GPR21: variants seen among roughly 807,000 people sequenced by gnomAD.
GPR21 encodes probable G protein-coupled receptor 21.
A neutral mutation model predicts 21.5 loss-of-function variants in GPR21; 9 were observed. The ratio of observed to expected loss-of-function variants is 0.42; its 90% CI spans 0.25 to 0.73. GPR21 has a LOEUF of 0.73. Ranked by LOEUF, GPR21 falls within the 30% of genes least tolerant of loss-of-function variation. The pLI, the probability that GPR21 is intolerant of heterozygous loss-of-function variation, is 0.27. For missense variants in GPR21, 416 were observed against 428.9 expected (o/e 0.97, Z 0.27); for synonymous variants, 169 against 159.3 (o/e 1.06, Z -0.46).
chr9:123,047,915 C>A, the GPR21 span, among the ~76,000 whole-genome samples: 2 of 100,864 alleles, frequency 2.0e-5, no homozygotes, highest in Admixed American at 1.1e-4. Flanking sequence ...TTTACAGCTG[C>A]TGGGTTTTTT....
the GPR21 span, among the ~76,000 whole-genome samples, chr9:123,044,090 A>T: frequency 6.6e-6 from 1 of 151,634 alleles, no homozygotes. Context: ...TTTTTAGTAG[A>T]GACGGGGTTT....
the GPR21 span, among the ~76,000 whole-genome samples, chr9:123,043,654 T>G: frequency 1.4e-5 from 2 of 141,338 alleles, no homozygotes; most frequent in African/African-American, 2.7e-5. Context: ...GGAAGGAGGG[T>G]GGGTGTAACA....
chr9:123,034,358 G>A lies in GPR21; in HGVS notation c.-209G>A, dbSNP rs1267280017. ...GTCTGGGACTGGCCAGACAACTGCTGCTGGCTCTCCTTATTCCAGGAAGGA... is the reference window on the plus strand; with the variant it reads ...GTCTGGGACTGGCCAGACAACTGCTACTGGCTCTCCTTATTCCAGGAAGGA... On this transcript the variant is annotated 5_prime_UTR_variant, in exon 2 of 2. Coordinates refer to ENST00000616002, the MANE Select transcript of GPR21 (RefSeq NM_005294.3). 3.5e-6 allele frequency: 2 copies of A among 570,888 alleles called. No homozygotes were observed. Among genetic ancestry groups the A allele is most frequent in the Non-Finnish European group, 6.1e-6 (2 of 326,264 alleles). 35.4% of individuals were successfully genotyped at this position (570,888 alleles called of 1,614,324 possible). A position where few individuals can be genotyped will look rare whatever the true frequency, so the allele number is the denominator to read the frequency against.
At chr9:123,036,201 A>G (rs528434474), downstream of GPR21, among the ~76,000 whole-genome samples, 63 of 152,364 alleles carry the variant, frequency 4.1e-4, no homozygotes, top group South Asian at 8.3e-4. Context: ...AGTAGGGTGA[A>G]TAATGTGAAC....
At chr9:123,040,497 T>C (rs968998840), downstream of GPR21, among the ~76,000 whole-genome samples, 1 of 152,170 alleles carries the variant, frequency 6.6e-6, no homozygotes, top group African/African-American at 2.4e-5. Flanking sequence ...TACCTTCTCA[T>C]TGACATATTA....
the GPR21 span, among the ~76,000 whole-genome samples, chr9:123,046,933 GA>G: frequency 6.6e-6 from 1 of 152,170 alleles, no homozygotes; most frequent in African/African-American, 2.4e-5. Context: ...CACAAACAGG[GA>G]AAGAGAGACC....
At chr9:123,033,810 A>G (rs1216120631) in intron 1 of GPR21, 68 bp downstream of exon 1, 1 of 152,240 alleles carries the variant, frequency 6.6e-6, no homozygotes, top group Non-Finnish European at 1.5e-5. Context: ...AAAATATTAT[A>G]TTGGAATCAA....
downstream of GPR21, among the ~76,000 whole-genome samples, chr9:123,038,394 C>T (rs1346545358): frequency 1.3e-5 from 2 of 152,042 alleles, no homozygotes; most frequent in African/African-American, 4.8e-5. Flanking sequence ...AAATGCATTG[C>T]CCACCTCCTT....
At chr9:123,037,749 A>C (rs549203133), downstream of GPR21, among the ~76,000 whole-genome samples, 1 of 152,184 alleles carries the variant, frequency 6.6e-6, no homozygotes, top group African/African-American at 2.4e-5. Context: ...GTTGGGAGAG[A>C]GGAGATGCTC....
the GPR21 span, among the ~76,000 whole-genome samples, chr9:123,048,545 C>T: frequency 7.2e-5 from 11 of 152,248 alleles, no homozygotes; most frequent in South Asian, 2.3e-3. Context: ...TCAAACAATA[C>T]AGTACGTATT....
In GPR21 at chr9:123,034,381, G is replaced by C; in HGVS notation, c.-186G>C. The C allele has an allele frequency of 3.4e-6, 2 of 582,222 alleles. No individual in the cohort carries two copies. The highest frequency in any genetic ancestry group is 6.0e-6 in the Non-Finnish European group (2 of 331,792). The allele number at this position is 582,222 out of a possible 1,614,324, so 36.1% of individuals were successfully genotyped here. A position where few individuals can be genotyped will look rare whatever the true frequency, so the allele number is the denominator to read the frequency against. ...CTGCTGGCTCTCCTTATTCCAGGAAGGATTTAAAGGGGAATTGCACTGCAG... is the reference window on the plus strand; with the variant it reads ...CTGCTGGCTCTCCTTATTCCAGGAACGATTTAAAGGGGAATTGCACTGCAG... On this transcript the variant is annotated 5_prime_UTR_variant, in exon 2 of 2. Transcript: ENST00000616002.
chr9:123,047,506 G>A, the GPR21 span, among the ~76,000 whole-genome samples: 1 of 152,060 alleles, frequency 6.6e-6, no homozygotes, highest in South Asian at 2.1e-4. Context: ...TTTCCTATGT[G>A]CTGATAAGTT....
downstream of GPR21, among the ~76,000 whole-genome samples, chr9:123,040,171 A>G (rs1381274609): frequency 6.6e-6 from 1 of 152,202 alleles, no homozygotes; most frequent in African/African-American, 2.4e-5. Context: ...TCTGTCTTCC[A>G]GGAAGCCTCA....
downstream of GPR21, among the ~76,000 whole-genome samples, chr9:123,036,319 G>C (rs1346938495): frequency 1.3e-5 from 2 of 152,196 alleles, no homozygotes; most frequent in East Asian, 3.8e-4. Context: ...GCTTCACAGA[G>C]ATCTAAAGAT....
Position 123,035,476 on chromosome 9 carries a change from T to C in GPR21, c.910T>C (p.Tyr304His). 2 of 1,614,168 alleles carry C rather than the reference T, an allele frequency of 1.2e-6. No individual in the cohort carries two copies. The highest frequency in any genetic ancestry group is 1.3e-5 in the African/African-American group (1 of 75,060). ...ISNSFCNCVI[Y>H]SLSNSVFQRG... ...TAACAGTTTCTGCAACTGTGTAATT[T>C]ATAGTCTCTCCAACAGTGTATTCCA... is the stretch of plus-strand genomic sequence containing the variant. The change falls in exon 2 of 2, where the codon TAT becomes CAT. Residue 304 changes from tyrosine (Y) to histidine (H), a missense_variant. Coordinates refer to ENST00000616002, the MANE Select transcript of GPR21 (RefSeq NM_005294.3).
the GPR21 span, among the ~76,000 whole-genome samples, chr9:123,041,161 G>A: frequency 6.6e-6 from 1 of 152,130 alleles, no homozygotes; most frequent in Non-Finnish European, 1.5e-5. Flanking sequence ...TAAACTTTAT[G>A]TTAATACTTC....
Position 123,034,221 on chromosome 9 carries a change from C to G in GPR21, c.-346C>G, listed in dbSNP as rs2032476889. 2 of 299,452 alleles carry G rather than the reference C, an allele frequency of 6.7e-6. No individual in the cohort carries two copies. The highest frequency in any genetic ancestry group is 4.3e-5 in the African/African-American group (2 of 46,126). 18.5% of individuals were successfully genotyped at this position (299,452 alleles called of 1,614,324 possible). A position where few individuals can be genotyped will look rare whatever the true frequency, so the allele number is the denominator to read the frequency against. ...TCCTGCTGAAGCTCCTAATCTTCTT[C>G]CCTTCTCTTCTACCCTTTCCCCCTA... On this transcript the variant is annotated 5_prime_UTR_variant, in exon 2 of 2. Coordinates refer to ENST00000616002, the MANE Select transcript of GPR21 (RefSeq NM_005294.3).
chr9:123,034,376 A>G lies in GPR21; in HGVS notation c.-191A>G. On this transcript the variant is annotated 5_prime_UTR_variant, in exon 2 of 2. Transcript: ENST00000616002. ...AACTGCTGCTGGCTCTCCTTATTCC[A>G]GGAAGGATTTAAAGGGGAATTGCAC... The G allele has an allele frequency of 1.7e-6, 1 of 579,656 alleles. No homozygotes were observed. Among genetic ancestry groups the G allele is most frequent in the South Asian group, 2.4e-5 (1 of 42,338 alleles). 35.9% of individuals were successfully genotyped at this position (579,656 alleles called of 1,614,324 possible). A position where few individuals can be genotyped will look rare whatever the true frequency, so the allele number is the denominator to read the frequency against.
rs2032484449 is a variant in GPR21, at chr9:123,034,321, C to T, written c.-246C>T. On this transcript the variant is annotated 5_prime_UTR_variant, in exon 2 of 2. Transcript: ENST00000616002. ...GGTGCTATGTGTATGGTGAACCTGG[C>T]ACTATGGCCGCGTCTGGGACTGGCC... is the stretch of plus-strand genomic sequence containing the variant. The T allele has an allele frequency of 3.7e-6, 2 of 538,956 alleles. No individual in the cohort carries two copies. Among genetic ancestry groups the T allele is most frequent in the East Asian group, 3.0e-5 (1 of 33,310 alleles). The allele number at this position is 538,956 out of a possible 1,614,324, so 33.4% of individuals were successfully genotyped here. A position where few individuals can be genotyped will look rare whatever the true frequency, so the allele number is the denominator to read the frequency against.
Sources: gnomAD v4.1 joint callset for allele counts (sites outside exome capture counted in the v4.1 genomes callset) on GRCh38, gnomAD v4.1.1 for gene constraint, MANE v1.5 for transcripts, NCBI Gene and HGNC (gene_info 2026-07-23, HGNC 2026-07-21) for gene names.